KCNK2: variants seen among roughly 807,000 people sequenced by gnomAD.
KCNK2 encodes the protein potassium two pore domain channel subfamily K member 2.
KCNK2 carries 21 observed loss-of-function variants against 40.5 expected under a neutral mutation model. The ratio of observed to expected loss-of-function variants is 0.52; its 90% CI spans 0.37 to 0.75. KCNK2 has a LOEUF of 0.75. Among genes scored for constraint, KCNK2 ranks in the 30% least tolerant of loss-of-function variants. The probability of loss-of-function intolerance (pLI) is 0.00; values close to 1 mark genes in which losing one functional copy is unlikely to be tolerated. For missense variants in KCNK2, 399 were observed against 531.6 expected (o/e 0.75, Z 2.45); for synonymous variants, 191 against 202.2 (o/e 0.94, Z 0.47).
At chr1:215,007,031 A>G (rs1223399740) in intron 1 of KCNK2, among the ~76,000 whole-genome samples, 6,887 of 78,498 alleles carry the variant, frequency 0.088, 487 homozygotes, top group Middle Eastern at 0.15. Flanking sequence ...ATATATATAT[A>G]TATATATGTG....
At chr1:215,135,488 A>G (rs1661864984) in intron 3 of KCNK2, among the ~76,000 whole-genome samples, 1 of 151,872 alleles carries the variant, frequency 6.6e-6, no homozygotes, top group Admixed American at 6.6e-5. Flanking sequence ...ATTATTTTTT[A>G]CATATTTATT....
At chr1:215,042,125 G>A (rs761756545) in intron 1 of KCNK2, among the ~76,000 whole-genome samples, 10 of 152,104 alleles carry the variant, frequency 6.6e-5, no homozygotes, top group Non-Finnish European at 1.5e-4. Flanking sequence ...CCCATGACTC[G>A]TGGGAATTAT....
chr1:215,098,320 A>G (rs1420501139), intron 2 of KCNK2, among the ~76,000 whole-genome samples: 3 of 151,832 alleles, frequency 2.0e-5, no homozygotes, highest in Non-Finnish European at 2.9e-5. Flanking sequence ...TTGTTTAATT[A>G]TGTCCTTAGG....
intron 5 of KCNK2, among the ~76,000 whole-genome samples, chr1:215,193,381 T>C (rs1451279191): frequency 6.6e-6 from 1 of 152,174 alleles, no homozygotes; most frequent in Non-Finnish European, 1.5e-5. Context: ...TGTAAGGATC[T>C]TGTTGGTTAT....
chr1:215,182,406 G>A (rs1195058731), intron 5 of KCNK2, among the ~76,000 whole-genome samples: 4 of 152,074 alleles, frequency 2.6e-5, no homozygotes, highest in Non-Finnish European at 4.4e-5. Flanking sequence ...GCAAGTGGGT[G>A]TTCTGAATGC....
chr1:215,061,245 C>T (rs943080710), intron 1 of KCNK2, among the ~76,000 whole-genome samples: 3 of 152,130 alleles, frequency 2.0e-5, no homozygotes, highest in Non-Finnish European at 1.5e-5. Context: ...CACCAAGTAT[C>T]AACTTCAAAC....
chr1:215,020,526 A>T (rs1656753296), intron 1 of KCNK2, among the ~76,000 whole-genome samples: 1 of 152,068 alleles, frequency 6.6e-6, no homozygotes, highest in South Asian at 2.1e-4. Context: ...CCTGAGTTCA[A>T]GCGATTATTG....
chr1:215,054,488 T>C (rs1205192244), intron 1 of KCNK2, among the ~76,000 whole-genome samples: 2 of 152,174 alleles, frequency 1.3e-5, no homozygotes, highest in Non-Finnish European at 2.9e-5. Context: ...GAACTTAGCT[T>C]CCTCACACAT....
At chr1:215,077,955 A>G (rs558777033), upstream of KCNK2, among the ~76,000 whole-genome samples, 2 of 152,114 alleles carry the variant, frequency 1.3e-5, no homozygotes, top group African/African-American at 2.4e-5. Flanking sequence ...TTTATTTTTC[A>G]TCTTCTCATA....
At chr1:215,143,668 T>G (rs1662285180) in intron 3 of KCNK2, among the ~76,000 whole-genome samples, 1 of 152,136 alleles carries the variant, frequency 6.6e-6, no homozygotes, top group Non-Finnish European at 1.5e-5. Context: ...AGAGCCTAGC[T>G]TGTAGTGTTG....
chr1:215,128,099 G>A (rs1298488991), intron 3 of KCNK2, among the ~76,000 whole-genome samples: 5 of 152,236 alleles, frequency 3.3e-5, no homozygotes, highest in Non-Finnish European at 4.4e-5. Context: ...GGAACATATT[G>A]GTGCAACACT....
intron 6 of KCNK2, among the ~76,000 whole-genome samples, chr1:215,219,056 G>A (rs755440933): frequency 3.9e-5 from 6 of 152,044 alleles, no homozygotes; most frequent in African/African-American, 9.7e-5. Flanking sequence ...ATTCTGCTTC[G>A]TCATGCAGTT....
chr1:215,123,168 A>G (rs1453472721), intron 2 of KCNK2, among the ~76,000 whole-genome samples: 1 of 152,144 alleles, frequency 6.6e-6, no homozygotes, highest in Non-Finnish European at 1.5e-5. Flanking sequence ...TATTAATTCA[A>G]ATTTTAGAAC....
chr1:215,044,796 T>C (rs11590918), intron 1 of KCNK2, among the ~76,000 whole-genome samples: 2,801 of 34,928 alleles, frequency 0.08, 37 homozygotes, highest in South Asian at 0.19. Flanking sequence ...GATAAGTGTA[T>C]GTGTGTGTGT....
chr1:215,060,789 A>G (rs924273465), intron 1 of KCNK2, among the ~76,000 whole-genome samples: 3 of 152,216 alleles, frequency 2.0e-5, no homozygotes, highest in Admixed American at 1.3e-4. Flanking sequence ...ATATTAGCAC[A>G]GAATCTGGTT....
rs553795137 is a variant in KCNK2, at chr1:215,214,934, A to C, written c.963+19842A>C. 1.6e-4 allele frequency among the ~76,000 whole-genome samples: 25 copies of C among 152,314 alleles called. No homozygotes were observed. In the South Asian group the frequency reaches 4.6e-3, roughly 28 times the overall value. ...TTGAAGGTATTTTAAAACTAGAGAA[A>C]AATGAACTGGTTAATTCTCTCCTGC... is the stretch of plus-strand genomic sequence containing the variant. On this transcript the variant is annotated intron_variant, in intron 6 of 6. Transcript: ENST00000444842.
chr1:215,169,991 A>C (rs904253617), intron 4 of KCNK2, among the ~76,000 whole-genome samples: 3 of 152,010 alleles, frequency 2.0e-5, no homozygotes, highest in Non-Finnish European at 4.4e-5. Flanking sequence ...ATTCTCTTAA[A>C]CTAGTTATTA....
At chr1:215,035,472 C>T (rs188948472) in intron 1 of KCNK2, among the ~76,000 whole-genome samples, 11 of 152,142 alleles carry the variant, frequency 7.2e-5, no homozygotes, top group African/African-American at 1.9e-4. Context: ...CCTTTCCTAT[C>T]GTTTTGCCCT....
chr1:215,158,164 G>A (rs1663013140), intron 3 of KCNK2, among the ~76,000 whole-genome samples: 1 of 152,126 alleles, frequency 6.6e-6, no homozygotes, highest in South Asian at 2.1e-4. Flanking sequence ...GTTCTATCAG[G>A]ATCCCTCATT....
Sources: allele counts gnomAD v4.1 joint callset (sites outside exome capture counted in the v4.1 genomes callset), GRCh38; gene constraint gnomAD v4.1.1; transcripts MANE v1.5; gene names NCBI Gene and HGNC (gene_info 2026-07-23, HGNC 2026-07-21).